Variants in PLXDC2 observed in about 807,000 individuals in gnomAD.
PLXDC2 encodes the protein plexin domain-containing protein 2.
PLXDC2 carries 40 observed loss-of-function variants against 68.9 expected under a neutral mutation model. The observed-to-expected ratio is 0.58, with a 90% CI of 0.45 to 0.76. The LOEUF is 0.76. PLXDC2 is among the 30% of genes least tolerant of loss of function. PLXDC2 has a pLI of 0.00. For synonymous variants in PLXDC2, 243 were observed against 234.2 expected, an observed-to-expected ratio of 1.04 and a Z score of -0.34; for missense variants, 644 against 661.9, an observed-to-expected ratio of 0.97 and a Z score of 0.30.
chr10:20,020,857 T>A (rs925241399), intron 2 of PLXDC2, among the ~76,000 whole-genome samples: 8 of 152,140 alleles, frequency 5.3e-5, no homozygotes, highest in African/African-American at 1.9e-4. Flanking sequence ...TTGCATAAGA[T>A]AAATAGTGTC....
chr10:19,987,742 T>A (rs1259570995), intron 1 of PLXDC2, among the ~76,000 whole-genome samples: 1 of 151,834 alleles, frequency 6.6e-6, no homozygotes, highest in East Asian at 1.9e-4. Context: ...TTTTTTGTAT[T>A]TTTAGTAGAG....
chr10:19,951,783 G>A (rs1435467701), intron 1 of PLXDC2, among the ~76,000 whole-genome samples: 1 of 152,286 alleles, frequency 6.6e-6, no homozygotes, highest in East Asian at 1.9e-4. Flanking sequence ...AAGAAAATGT[G>A]AGACATAAAC....
At chr10:19,891,061 C>T (rs902578536) in intron 1 of PLXDC2, among the ~76,000 whole-genome samples, 7 of 152,124 alleles carry the variant, frequency 4.6e-5, no homozygotes, top group Non-Finnish European at 7.4e-5. Flanking sequence ...CAGTCTTCTT[C>T]CTATGCAATG....
chr10:19,969,763 A>G (rs1287552957), intron 1 of PLXDC2, among the ~76,000 whole-genome samples: 1 of 152,244 alleles, frequency 6.6e-6, no homozygotes, highest in Non-Finnish European at 1.5e-5. Context: ...TGCTTTATGG[A>G]AGCAGTAAGT....
chr10:20,041,146 G>A (rs1430541879), intron 2 of PLXDC2, among the ~76,000 whole-genome samples: 3 of 152,106 alleles, frequency 2.0e-5, no homozygotes, highest in Middle Eastern at 3.4e-3. Flanking sequence ...TAATAGTTAC[G>A]GAATTTTTAT....
At chr10:20,208,525 A>G (rs1589681528) in intron 9 of PLXDC2, among the ~76,000 whole-genome samples, 1 of 152,298 alleles carries the variant, frequency 6.6e-6, no homozygotes, top group South Asian at 2.1e-4. Flanking sequence ...CAGCCAAAGT[A>G]TATCATATAT....
intron 6 of PLXDC2, among the ~76,000 whole-genome samples, chr10:20,150,658 G>A (rs574320604): frequency 1.7e-4 from 26 of 152,294 alleles, no homozygotes; most frequent in African/African-American, 5.3e-4. Context: ...TCTCTGTAAA[G>A]ACGCAAGGTC....
At chr10:20,223,142 C>T (rs1835237692) in intron 12 of PLXDC2, among the ~76,000 whole-genome samples, 1 of 152,110 alleles carries the variant, frequency 6.6e-6, no homozygotes, top group African/African-American at 2.4e-5. Context: ...CACAACATCC[C>T]TGACTTGGTC....
intron 1 of PLXDC2, among the ~76,000 whole-genome samples, chr10:19,948,390 C>CTTTTT (rs59867874): frequency 2.8e-5 from 4 of 144,962 alleles, no homozygotes; most frequent in Admixed American, 6.9e-5. Flanking sequence ...TTCTTTCTTT[C>CTTTTT]TTTTTTTTTT....
At chr10:19,866,115 A>C (rs577761269) in intron 1 of PLXDC2, among the ~76,000 whole-genome samples, 1 of 152,346 alleles carries the variant, frequency 6.6e-6, no homozygotes, top group African/African-American at 2.4e-5. Flanking sequence ...TTGAAAACAA[A>C]GGAAATTAGA....
chr10:19,952,893 A>G (rs1834012580), intron 1 of PLXDC2, among the ~76,000 whole-genome samples: 1 of 151,984 alleles, frequency 6.6e-6, no homozygotes, highest in Admixed American at 6.6e-5. Flanking sequence ...AGTAATTTTA[A>G]TTTTAATTTT....
chr10:20,059,733 T>G (rs180704711), intron 3 of PLXDC2, among the ~76,000 whole-genome samples: 1 of 152,312 alleles, frequency 6.6e-6, no homozygotes, highest in African/African-American at 2.4e-5. Context: ...ATTAATGACC[T>G]ATGTCTGTCA....
intron 1 of PLXDC2, among the ~76,000 whole-genome samples, chr10:19,978,881 G>C (rs1183272905): frequency 6.6e-6 from 1 of 152,136 alleles, no homozygotes; most frequent in Non-Finnish European, 1.5e-5. Flanking sequence ...CAAGATAAGA[G>C]TAAGTTCTCA....
At chr10:20,092,694 T>C (rs1833296421) in intron 4 of PLXDC2, among the ~76,000 whole-genome samples, 2 of 152,104 alleles carry the variant, frequency 1.3e-5, no homozygotes, top group Admixed American at 6.5e-5. Context: ...AAAAAAGTCA[T>C]TGGAGACAGG....
intron 6 of PLXDC2, among the ~76,000 whole-genome samples, chr10:20,152,324 T>C (rs553628658): frequency 3.0e-4 from 46 of 152,266 alleles, no homozygotes; most frequent in Non-Finnish European, 6.0e-4. Flanking sequence ...ACCAATACCC[T>C]GTTGTTTTCT....
chr10:20,054,182 C>T (rs1835953201), intron 3 of PLXDC2, among the ~76,000 whole-genome samples: 2 of 151,772 alleles, frequency 1.3e-5, no homozygotes, highest in Non-Finnish European at 2.9e-5. Context: ...GTGATTGTGC[C>T]CAAACTGAGT....
intron 1 of PLXDC2, among the ~76,000 whole-genome samples, chr10:19,959,256 G>A (rs1834118808): frequency 1.3e-5 from 2 of 152,094 alleles, no homozygotes; most frequent in South Asian, 4.1e-4. Flanking sequence ...TTAAGGAAAG[G>A]ATAATAAAGA....
At chr10:20,084,532 A>C in intron 4 of PLXDC2, among the ~76,000 whole-genome samples, 1 of 152,206 alleles carries the variant, frequency 6.6e-6, no homozygotes, top group South Asian at 2.1e-4. Context: ...ACCTTCATGA[A>C]GCTACAGTGG....
At chr10:19,999,390 G>GT (rs10715864) in intron 1 of PLXDC2, among the ~76,000 whole-genome samples, 2,581 of 101,094 alleles carry the variant, frequency 0.026, 27 homozygotes, top group Non-Finnish European at 0.049. Flanking sequence ...GTAGGTGTTT[G>GT]TTTTTTTTTT....
Sources: gnomAD v4.1 joint callset for allele counts (sites outside exome capture counted in the v4.1 genomes callset) on GRCh38, gnomAD v4.1.1 for gene constraint, MANE v1.5 for transcripts, NCBI Gene and HGNC (gene_info 2026-07-23, HGNC 2026-07-21) for gene names.